BAG4: variants seen among roughly 807,000 people sequenced by gnomAD.
BAG4 encodes BAG family molecular chaperone regulator 4.
Under a neutral mutation model 52.1 loss-of-function variants are expected in BAG4, and 28 were observed. That is an observed-to-expected ratio of 0.54 (90% CI 0.40 to 0.74). The LOEUF (loss-of-function observed/expected upper bound fraction) is 0.74. BAG4 is among the 30% of genes least tolerant of loss of function. The pLI is 0.00. For synonymous variants in BAG4, 208 were observed against 217.0 expected (o/e 0.96, Z 0.37); for missense variants, 525 against 572.0 (o/e 0.92, Z 0.84).
intron 2 of BAG4, chr8:38,204,268 C>T (rs1441564660): frequency 6.6e-6 from 1 of 152,212 alleles, no homozygotes; most frequent in Non-Finnish European, 1.5e-5. Context: ...ACCTGTAATC[C>T]CAGCACTTTG....
At chr8:38,193,446 C>A (rs1258806501) in intron 2 of BAG4, among the ~76,000 whole-genome samples, 1 of 151,698 alleles carries the variant, frequency 6.6e-6, no homozygotes, top group Non-Finnish European at 1.5e-5. Flanking sequence ...AAAAACCCCA[C>A]GAAAATCTAG....
Position 38,207,729 on chromosome 8 carries a change from C to T in BAG4, c.596C>T (p.Pro199Leu), listed in dbSNP as rs1231933774. The T allele has an allele frequency of 6.2e-7, 1 of 1,614,218 alleles. No homozygotes were observed. The highest frequency in any genetic ancestry group is 1.7e-5 in the Admixed American group (1 of 60,020). Residue 199 changes from proline (P) to leucine (L), a missense_variant, in exon 3 of 5, where the codon CCT becomes CTT. Around this residue, in one of 2 missense-constraint regions of BAG4, gnomAD observed 287 missense variants for 266.1 expected, o/e 1.08. Coordinates refer to ENST00000287322, the MANE Select transcript of BAG4 (RefSeq NM_004874.4). The stretch of plus-strand genomic sequence containing the variant: ...CAGGACTGTCAGACTGAAGCACCCC[C>T]TCTTAGGGGGCAGGTTCCAGGATAT... Reference protein sequence around the residue: ...PQQDCQTEAPPLRGQVPGYPP... With the variant: ...PQQDCQTEAPLLRGQVPGYPP...
chr8:38,207,874 A>G (rs1220737285), intron 3 of BAG4, 108 bp downstream of exon 3: 1 of 1,353,472 alleles, frequency 7.4e-7, no homozygotes, highest in Non-Finnish European at 9.9e-7. Context: ...ACACTTCTAG[A>G]TTGGGAAGGC....
At chr8:38,201,562 CAA>C (rs1452557425) in intron 2 of BAG4, 1 of 151,934 alleles carries the variant, frequency 6.6e-6, no homozygotes, top group Non-Finnish European at 1.5e-5. Flanking sequence ...CTCAGCATCC[CAA>C]AGTGTTGGGA....
Position 38,177,102 on chromosome 8 carries a change from C to A in BAG4, c.233C>A (p.Ala78Asp), listed in dbSNP as rs1230140085. ...GATGGCTACTATCCCTCGGGAGGCG[C>A]CTGGCCAGAGCCTGGTCGAGCCGGA... The part of the protein sequence containing the change: ...GGDGYYPSGG[A>D]WPEPGRAGGS... The change falls in exon 1 of 5, where the codon GCC becomes GAC. Residue 78 changes from alanine to aspartate, a missense_variant. This residue lies in a region of BAG4 where 287 missense variants were observed against 266.1 expected (regional missense o/e 1.08). Transcript: ENST00000287322. 3.1e-6 allele frequency: 5 copies of A among 1,612,754 alleles called. No individual in the cohort carries two copies. The highest frequency in any genetic ancestry group is 4.2e-6 in the Non-Finnish European group (5 of 1,179,934).
At chr8:38,188,059 GGAA>G (rs1430510844) in intron 1 of BAG4, among the ~76,000 whole-genome samples, 3 of 126,116 alleles carry the variant, frequency 2.4e-5, no homozygotes, top group African/African-American at 5.6e-5. Flanking sequence ...AAAAAAAAAA[GGAA>G]GAAGAAGAAG....
At chr8:38,183,170 G>A (rs1283422368) in intron 1 of BAG4, among the ~76,000 whole-genome samples, 4 of 150,802 alleles carry the variant, frequency 2.7e-5, no homozygotes, top group Non-Finnish European at 4.4e-5. Flanking sequence ...TCAGCCTCCT[G>A]AGTAGCTGGG....
rs1452717370 is a variant in BAG4 at position 38,210,613 on chromosome 8, T to A, written c.*120T>A. The A allele has an allele frequency of 3.1e-6, 4 of 1,286,960 alleles. No individual in the cohort carries two copies. The highest frequency in any genetic ancestry group is 4.2e-6 in the Non-Finnish European group (4 of 961,008). The allele number at this position is 1,286,960 out of a possible 1,614,324, so 79.7% of individuals were successfully genotyped here. A position where few individuals can be genotyped will look rare whatever the true frequency, so the allele number is the denominator to read the frequency against. The stretch of plus-strand genomic sequence containing the variant: ...AAGAAGCAATACATTCCAGCTTTCC[T>A]TTGATTTTATACTTGAAAAACTGGC... On this transcript the variant is annotated 3_prime_UTR_variant, in exon 5 of 5. Transcript: ENST00000287322.
rs748419042 is a variant in BAG4 at position 38,209,123 on chromosome 8, T to C, written c.744T>C (p.Ala248=). Residue 248 remains alanine, a synonymous_variant, in exon 4 of 5, where the codon GCT becomes GCC. Coordinates refer to ENST00000287322, the MANE Select transcript of BAG4 (RefSeq NM_004874.4). The part of the protein sequence containing the change: ...PQEDAWASPG[A]YGMGGRYPWP... ...AAGATGCGTGGGCTTCTCCTGGTGC[T>C]TATGGAATGGGTGGCCGTTATCCCT... The C allele has an allele frequency of 1.1e-5, 17 of 1,614,044 alleles. No individual in the cohort carries two copies. The highest frequency in any genetic ancestry group is 1.6e-4 in the Middle Eastern group (1 of 6,084).
rs1563286147 is a variant in BAG4, at chr8:38,209,173, C to T, written c.794C>T (p.Pro265Leu). Residue 265 changes from proline (P) to leucine (L), a missense_variant, in exon 4 of 5, where the codon CCA becomes CTA. Around this residue, in one of 2 missense-constraint regions of BAG4, gnomAD observed 238 missense variants for 305.8 expected, o/e 0.78. Transcript: ENST00000287322. ...YPWPSSAPSA[P>L]PGNLYMTEST... Reference sequence around the variant, plus strand: ...TGGCCTTCATCAGCGCCCTCAGCACCACCCGGCAATCTCTACATGACTGAA... The same window carrying T: ...TGGCCTTCATCAGCGCCCTCAGCACTACCCGGCAATCTCTACATGACTGAA... 2 of 1,614,158 alleles carry T rather than the reference C, an allele frequency of 1.2e-6. No individual in the cohort carries two copies. Among genetic ancestry groups the T allele is most frequent in the Admixed American group, 3.3e-5 (2 of 60,014 alleles).
chr8:38,197,913 T>G (rs1017398235), intron 2 of BAG4, among the ~76,000 whole-genome samples: 8 of 152,028 alleles, frequency 5.3e-5, no homozygotes, highest in Non-Finnish European at 1.2e-4. Flanking sequence ...TTGGCCAGGC[T>G]GGTCTTGAAC....
chr8:38,208,419 C>T (rs1803811513), intron 3 of BAG4, among the ~76,000 whole-genome samples: 1 of 147,128 alleles, frequency 6.8e-6, no homozygotes, highest in East Asian at 2.1e-4. Context: ...ATGCCATTCT[C>T]CGGCCTCAGC....
intron 2 of BAG4, chr8:38,201,866 ATATATATATATATATTTTTTTTTTT>A (rs1803676246): frequency 1.3e-4 from 1 of 7,992 alleles, no homozygotes; most frequent in Non-Finnish European, 2.6e-4. Context: ...ATATATATAT[ATATATATATATATATTTTTTTTTTT>A]TTTTTTTTTT....
chr8:38,188,640 TATACATGTATACATATATACATGTATAC>T (rs1803411511), intron 1 of BAG4, among the ~76,000 whole-genome samples: 1 of 148 alleles, frequency 6.8e-3, no homozygotes, highest in Non-Finnish European at 0.056. Context: ...TATATACATA[TATACATGTATACATATATACATGTATAC>T]ATATACATGT....
intron 2 of BAG4, among the ~76,000 whole-genome samples, chr8:38,204,461 G>A (rs1002451319): frequency 2.6e-5 from 4 of 151,970 alleles, no homozygotes; most frequent in African/African-American, 9.7e-5. Context: ...TGAGGCTGCA[G>A]TGAGCCGTGA....
rs936042747 is a variant in BAG4, at chr8:38,211,410, T to C, written c.*917T>C. 6.6e-6 allele frequency: 1 copy of C among 151,470 alleles called. No homozygotes were observed. The highest frequency in any genetic ancestry group is 2.4e-5 in the African/African-American group (1 of 41,338). The allele number at this position is 151,470 out of a possible 1,614,324, so 9.4% of individuals were successfully genotyped here. A position where few individuals can be genotyped will look rare whatever the true frequency, so the allele number is the denominator to read the frequency against. On this transcript the variant is annotated 3_prime_UTR_variant, in exon 5 of 5. Coordinates refer to ENST00000287322, the MANE Select transcript of BAG4 (RefSeq NM_004874.4). ...CCCCAAAGTGTAGTTATGTTTTCAC[T>C]ATTGCTGCTTCTATAGAGGGCATTG...
In BAG4 at chr8:38,188,647, GTATACA is replaced by G; in HGVS notation, c.271-4036_271-4031del. ...TACACATATATATACATATATACAT[GTATACA>G]TATATACATGTATACATATACATGT... On this transcript the variant is annotated intron_variant, in intron 1 of 4. Coordinates refer to ENST00000287322, the MANE Select transcript of BAG4 (RefSeq NM_004874.4). Among the ~76,000 whole-genome samples, 3 of 304 alleles carry G rather than the reference GTATACA, an allele frequency of 9.9e-3. No homozygotes were observed. The East Asian group carries it at 0.21, about 22-fold the overall frequency. The allele number at this position is 304 out of a possible 152,430, so 0.2% of individuals were successfully genotyped here.
Position 38,176,931 on chromosome 8 carries a change from A to G in BAG4, c.62A>G (p.Tyr21Cys), listed in dbSNP as rs1803165745. 2.3e-5 allele frequency: 36 copies of G among 1,552,424 alleles called. No homozygotes were observed. The highest frequency in any genetic ancestry group is 3.1e-5 in the Non-Finnish European group (36 of 1,148,284). ...GACGGTCCGTCCTACGGCCGCTACT[A>G]CGGGCCTGGGGGTGGAGATGTGCCG... ...PSDGPSYGRYYGPGGGDVPVH... is the reference protein window; with the variant it reads ...PSDGPSYGRYCGPGGGDVPVH... Residue 21 changes from tyrosine (Y) to cysteine (C), a missense_variant, in exon 1 of 5, where the codon TAC (tyrosine) becomes TGC (cysteine). By Grantham distance (194) the Tyr-to-Cys change is radical. This residue lies in a region of BAG4 where 287 missense variants were observed against 266.1 expected (regional missense o/e 1.08). Transcript: ENST00000287322.
In BAG4 at chr8:38,205,202, A is replaced by ATTT. The variant is rs35284937; in HGVS notation, c.379-2283_379-2281dup. Among the ~76,000 whole-genome samples the ATTT allele has an allele frequency of 4.1e-3, 328 of 79,338 alleles. 35 individuals carry two copies. Among genetic ancestry groups the ATTT allele is most frequent in the South Asian group, 0.01 (18 of 1,742 alleles). The allele number at this position is 79,338 out of a possible 152,430, so 52.0% of individuals were successfully genotyped here. A position where few individuals can be genotyped will look rare whatever the true frequency, so the allele number is the denominator to read the frequency against. ...GTGCCATACCACGCCCAGCTAATTA[A>ATTT]TTTTTTTTTTTTTTTTTTTTTTTTT... On this transcript the variant is annotated intron_variant, in intron 2 of 4. Transcript: ENST00000287322.
Sources: allele counts gnomAD v4.1 joint callset (sites outside exome capture counted in the v4.1 genomes callset), GRCh38; gene constraint gnomAD v4.1.1; regional missense constraint gnomAD v4.1.1; transcripts MANE v1.5; gene names NCBI Gene and HGNC (gene_info 2026-07-23, HGNC 2026-07-21).